The following CCDC169 variants were observed in gnomAD, a reference collection of about 807,000 sequenced individuals.
CCDC169 encodes coiled-coil domain-containing protein 169.
Under a neutral mutation model 36.0 loss-of-function variants are expected in CCDC169, and 30 were observed. That is an observed-to-expected ratio of 0.83 (90% confidence interval 0.62 to 1.13). The LOEUF (loss-of-function observed/expected upper bound fraction) is 1.13. Among genes scored for constraint, CCDC169 ranks in the 50% most tolerant of loss-of-function variants. The probability of loss-of-function intolerance (pLI) is 0.00; values close to 1 mark genes in which losing one functional copy is unlikely to be tolerated. For missense variants in CCDC169, 245 were observed against 245.9 expected, an observed-to-expected ratio of 1.00 and a Z score of 0.03; for synonymous variants, 85 against 81.5, an observed-to-expected ratio of 1.04 and a Z score of -0.23.
chr13:36,241,024 G>T (rs1376534815), intron 7 of CCDC169, among the ~76,000 whole-genome samples: 1 of 151,924 alleles, frequency 6.6e-6, no homozygotes, highest in Non-Finnish European at 1.5e-5. Flanking sequence ...TACACAGTAG[G>T]ACTATAATAG....
chr13:36,283,990 C>T (rs1877862964), intron 2 of CCDC169, among the ~76,000 whole-genome samples: 1 of 152,026 alleles, frequency 6.6e-6, no homozygotes, highest in Non-Finnish European at 1.5e-5. Flanking sequence ...ACTTCTTGTG[C>T]ATCCTTACAA....
chr13:36,293,155 A>G (rs1276563637), intron 2 of CCDC169, among the ~76,000 whole-genome samples: 8 of 152,194 alleles, frequency 5.3e-5, no homozygotes, highest in Non-Finnish European at 1.5e-5. Flanking sequence ...ATGTACCCCT[A>G]TTTGTCACAT....
chr13:36,250,249 T>C (rs181174155), intron 6 of CCDC169, among the ~76,000 whole-genome samples: 24 of 152,226 alleles, frequency 1.6e-4, no homozygotes, highest in African/African-American at 5.5e-4. Context: ...GCAGCAGATA[T>C]ATCCAGGAAT....
chr13:36,235,387 T>C (rs1013167969), intron 7 of CCDC169, among the ~76,000 whole-genome samples: 14 of 152,014 alleles, frequency 9.2e-5, no homozygotes, highest in African/African-American at 3.4e-4. Context: ...GCTCCTCTTT[T>C]TCAAGTTTCT....
chr13:36,231,718 CT>C (rs1566056776), intron 7 of CCDC169, among the ~76,000 whole-genome samples: 1 of 152,144 alleles, frequency 6.6e-6, no homozygotes, highest in African/African-American at 2.4e-5. Context: ...TTCCTAAAAA[CT>C]TTCTTAGGGG....
chr13:36,271,226 C>T (rs1287860157), intron 4 of CCDC169, among the ~76,000 whole-genome samples: 2 of 151,816 alleles, frequency 1.3e-5, no homozygotes, highest in African/African-American at 4.8e-5. Context: ...CTTACTTCTG[C>T]AAGAATGGCT....
chr13:36,243,703 G>A (rs1489094165), intron 7 of CCDC169, among the ~76,000 whole-genome samples: 1 of 152,150 alleles, frequency 6.6e-6, no homozygotes, highest in African/African-American at 2.4e-5. Flanking sequence ...CTACTCGGGA[G>A]GCTGAGACAG....
chr13:36,241,205 A>T (rs1871781165), intron 7 of CCDC169, among the ~76,000 whole-genome samples: 1 of 152,206 alleles, frequency 6.6e-6, no homozygotes, highest in African/African-American at 2.4e-5. Flanking sequence ...CAATATTTTA[A>T]TATTAGTACA....
intron 4 of CCDC169, chr13:36,281,083 C>A (rs1877469389): frequency 3.0e-6 from 1 of 337,028 alleles, no homozygotes; most frequent in South Asian, 2.5e-5. Context: ...TCTCCTTCAC[C>A]TATGTCTTTT....
chr13:36,248,359 T>C (rs533053751), intron 7 of CCDC169, among the ~76,000 whole-genome samples: 2 of 151,958 alleles, frequency 1.3e-5, no homozygotes, highest in East Asian at 3.9e-4. Context: ...ATTATTTTAG[T>C]TTAAAAAATA....
intron 6 of CCDC169, among the ~76,000 whole-genome samples, chr13:36,252,783 A>C (rs1873331817): frequency 6.6e-6 from 1 of 152,218 alleles, no homozygotes; most frequent in Admixed American, 6.5e-5. Flanking sequence ...AGAGTCATAT[A>C]TCCAACTGCT....
At chr13:36,226,481 C>A (rs1869882649), downstream of CCDC169, 1 of 152,208 alleles carries the variant, frequency 6.6e-6, no homozygotes, top group Admixed American at 6.5e-5. Context: ...AGGTGGAGTT[C>A]AGGTGGTAAT....
intron 4 of CCDC169, among the ~76,000 whole-genome samples, chr13:36,263,124 G>A (rs999723775): frequency 8.5e-5 from 13 of 152,162 alleles, no homozygotes; most frequent in South Asian, 6.2e-4. Context: ...TAAGCAGTTC[G>A]AGGAATTTCA....
chr13:36,256,950 G>A (rs1026080678), intron 4 of CCDC169, among the ~76,000 whole-genome samples: 20 of 152,210 alleles, frequency 1.3e-4, no homozygotes, highest in African/African-American at 4.6e-4. Context: ...CAGCAGCTGG[G>A]TAGGCACTGT....
chr13:36,250,050 G>A (rs1410626), intron 6 of CCDC169, among the ~76,000 whole-genome samples: 61,639 of 151,920 alleles, frequency 0.41, 13,292 homozygotes, highest in Non-Finnish European at 0.48. Flanking sequence ...TGGTTCTATC[G>A]GGGAAACAGC....
At chr13:36,241,042 TA>T (rs1455041228) in intron 7 of CCDC169, among the ~76,000 whole-genome samples, 1 of 152,120 alleles carries the variant, frequency 6.6e-6, no homozygotes, top group Non-Finnish European at 1.5e-5. Flanking sequence ...TAGCTAATAT[TA>T]AATCTACATA....
intron 4 of CCDC169, chr13:36,282,435 C>T: frequency 1.0e-6 from 1 of 985,378 alleles, no homozygotes; most frequent in Non-Finnish European, 1.2e-6. Flanking sequence ...TTGGACACTT[C>T]TATCGCTGAC....
chr13:36,278,950 G>A (rs182753438), intron 4 of CCDC169, among the ~76,000 whole-genome samples: 2 of 152,158 alleles, frequency 1.3e-5, no homozygotes, highest in East Asian at 3.9e-4. Context: ...CCTGTTCATT[G>A]TAATCCATGA....
chr13:36,285,940 G>A (rs757241831), intron 2 of CCDC169, among the ~76,000 whole-genome samples: 1 of 152,176 alleles, frequency 6.6e-6, no homozygotes, highest in Non-Finnish European at 1.5e-5. Flanking sequence ...CTGGCCACTT[G>A]TCCATTATTA....
Sources: gnomAD v4.1 joint callset for allele counts (sites outside exome capture counted in the v4.1 genomes callset) on GRCh38, gnomAD v4.1.1 for gene constraint, MANE v1.5 for transcripts, NCBI Gene and HGNC (gene_info 2026-07-23, HGNC 2026-07-21) for gene names.